The following HEATR4 variants were observed in gnomAD, a reference collection of about 807,000 sequenced individuals.
HEATR4 encodes the protein HEAT repeat-containing protein 4.
In HEATR4, 95 loss-of-function variants were observed where a neutral mutation model predicts 108.8. That is an observed-to-expected ratio of 0.87 (90% confidence interval 0.74 to 1.04). HEATR4 has a LOEUF of 1.04. Ranked by LOEUF, HEATR4 falls within the 50% of genes least tolerant of loss-of-function variation. HEATR4 has a pLI of 0.00. For synonymous variants in HEATR4, 443 were observed against 459.4 expected (o/e 0.96, Z 0.46); for missense variants, 1,152 against 1,253.8 (o/e 0.92, Z 1.23).
chr14:73,552,446 GC>G (rs2140320178), intron 1 of HEATR4, among the ~76,000 whole-genome samples: 1 of 91,380 alleles, frequency 1.1e-5, no homozygotes, highest in African/African-American at 4.2e-5. Context: ...CCTGTTGGGA[GC>G]CCCCAGCACT....
Position 73,500,733 on chromosome 14 carries a change from G to A in HEATR4, c.2106-3C>T. 1.2e-6 allele frequency: 2 copies of A among 1,611,632 alleles called. No individual in the cohort carries two copies. ...AATTTCCTTGACCTAGCTTGACCCTGTAAGGCACAAGTTGCTTTCCTTTCA... is the reference window on the plus strand; with the variant it reads ...AATTTCCTTGACCTAGCTTGACCCTATAAGGCACAAGTTGCTTTCCTTTCA... On this transcript the variant is annotated splice_region_variant and splice_polypyrimidine_tract_variant and intron_variant, in intron 11 of 17. Coordinates refer to ENST00000553558, the MANE Select transcript of HEATR4 (RefSeq NM_001220484.1).
At chr14:73,581,132 CTTTTTT>C in the HEATR4 span, 10 of 144,320 alleles carry the variant, frequency 6.9e-5, no homozygotes, top group South Asian at 2.2e-3. Context: ...TCACCTCACA[CTTTTTT>C]TTTTTTTTTC....
chr14:73,520,911 G>A lies in HEATR4; in HGVS notation c.1010C>T (p.Pro337Leu). The change falls in exon 4 of 18, where the codon CCC (proline) becomes CTC (leucine). Residue 337 changes from proline (P) to leucine (L), a missense_variant. Transcript: ENST00000553558. ...QTQSYFRQVT[P>L]RAGKFAYSTD... Reference sequence around the variant, plus strand: ...GGAGTAGGCAAACTTTCCAGCTCGGGGAGTCACCTGGCGAAAGTAGCTCTG... The same window carrying A: ...GGAGTAGGCAAACTTTCCAGCTCGGAGAGTCACCTGGCGAAAGTAGCTCTG... 1 of 1,614,008 alleles carries A rather than the reference G, an allele frequency of 6.2e-7. No homozygotes were observed. Among genetic ancestry groups the A allele is most frequent in the South Asian group, 1.1e-5 (1 of 91,076 alleles).
chr14:73,487,804 A>G (rs554469534), intron 17 of HEATR4, among the ~76,000 whole-genome samples: 41 of 152,152 alleles, frequency 2.7e-4, no homozygotes, highest in Non-Finnish European at 5.4e-4. Context: ...TTTGGAGAGG[A>G]GATGGAATGT....
intron 1 of HEATR4, among the ~76,000 whole-genome samples, chr14:73,534,415 G>A (rs528902045): frequency 5.5e-5 from 6 of 109,208 alleles, no homozygotes; most frequent in African/African-American, 1.8e-4. Flanking sequence ...AAACATGGCC[G>A]AGTGTAGTGG....
At chr14:73,484,861 CAT>C (rs546858324) in intron 17 of HEATR4, among the ~76,000 whole-genome samples, 2,347 of 148,360 alleles carry the variant, frequency 0.016, 83 homozygotes, top group South Asian at 0.16. Flanking sequence ...CACACACACA[CAT>C]ATATGGTTTT....
chr14:73,572,560 AG>A, the HEATR4 span, among the ~76,000 whole-genome samples: 1 of 150,340 alleles, frequency 6.7e-6, no homozygotes, highest in South Asian at 2.1e-4. Context: ...GAAAGGGCAC[AG>A]GGGTCTGTGG....
At chr14:73,540,156 C>A (rs1368448131) in intron 1 of HEATR4, among the ~76,000 whole-genome samples, 1 of 141,724 alleles carries the variant, frequency 7.1e-6, no homozygotes, top group Admixed American at 7.4e-5. Context: ...AAGGAGTCAA[C>A]ATATTCATCT....
At chr14:73,539,765 C>T (rs1395934824) in intron 1 of HEATR4, 2 of 117,790 alleles carry the variant, frequency 1.7e-5, no homozygotes, top group African/African-American at 5.5e-5. Flanking sequence ...CATCAGCACA[C>T]GCGTGGGCTG....
At position 73,509,327 on chromosome 14, in the gene HEATR4, T is replaced by C. The variant is rs774274443; in HGVS notation, c.1705A>G (p.Thr569Ala). 1.9e-6 allele frequency: 3 copies of C among 1,614,094 alleles called. No homozygotes were observed. The highest frequency in any genetic ancestry group is 3.3e-5 in the Admixed American group (2 of 60,004). ...HNPLARNIMQTALLKGNSVDS... is the reference protein window; with the variant it reads ...HNPLARNIMQAALLKGNSVDS... ...AGTTACTCACCCTTCAGAAGGGCAG[T>C]CTGCATGATGTTCCGGGCAAGGGGA... Residue 569 changes from threonine (T) to alanine (A), a missense_variant, in exon 8 of 18, where the codon ACT becomes GCT. Coordinates refer to ENST00000553558, the MANE Select transcript of HEATR4 (RefSeq NM_001220484.1).
At chr14:73,487,323 T>G (rs1040730537) in intron 17 of HEATR4, among the ~76,000 whole-genome samples, 1 of 151,886 alleles carries the variant, frequency 6.6e-6, no homozygotes, top group Non-Finnish European at 1.5e-5. Flanking sequence ...TCCCAGCACT[T>G]TGGGAGGCTG....
At chr14:73,482,510 A>G (rs1054319695) in intron 17 of HEATR4, among the ~76,000 whole-genome samples, 2 of 151,524 alleles carry the variant, frequency 1.3e-5, no homozygotes, top group Non-Finnish European at 2.9e-5. Flanking sequence ...CGACACAGCC[A>G]GACTTCGAGA....
chr14:73,618,474 G>C, the HEATR4 span, among the ~76,000 whole-genome samples: 1 of 151,372 alleles, frequency 6.6e-6, no homozygotes, highest in East Asian at 1.9e-4. Flanking sequence ...GAAGGAGCCA[G>C]TGATGGAAGA....
the HEATR4 span, among the ~76,000 whole-genome samples, chr14:73,627,044 G>A: frequency 6.6e-5 from 10 of 151,372 alleles, 1 homozygote; most frequent in Non-Finnish European, 1.5e-5. Context: ...CACCCGCCTC[G>A]GCCTCCTGAA....
chr14:73,595,402 C>T, the HEATR4 span: 1,457 of 1,614,232 alleles, frequency 9.0e-4, 10 homozygotes, highest in African/African-American at 0.016. Context: ...CCCAAACAGT[C>T]TCTGAACGGT....
At chr14:73,584,366 A>C in the HEATR4 span, among the ~76,000 whole-genome samples, 1 of 151,872 alleles carries the variant, frequency 6.6e-6, no homozygotes, top group Non-Finnish European at 1.5e-5. Flanking sequence ...CCTCAGTCAA[A>C]TTCTTTCTTC....
chr14:73,494,028 G>A (rs1348141119), intron 16 of HEATR4, among the ~76,000 whole-genome samples: 1 of 152,220 alleles, frequency 6.6e-6, no homozygotes, highest in African/African-American at 2.4e-5. Context: ...TGGCACTGCT[G>A]TCATAAGGGC....
chr14:73,491,016 C>A, intron 17 of HEATR4: 2 of 1,493,036 alleles, frequency 1.3e-6, no homozygotes, highest in East Asian at 2.6e-5. Flanking sequence ...TGTGGTCTGG[C>A]CATGGATGGG....
At chr14:73,593,048 T>C in the HEATR4 span, among the ~76,000 whole-genome samples, 3 of 152,222 alleles carry the variant, frequency 2.0e-5, no homozygotes, top group Admixed American at 2.0e-4. Flanking sequence ...TCTACAGGCA[T>C]CAGCCTGACT....
Sources: allele counts gnomAD v4.1 joint callset (sites outside exome capture counted in the v4.1 genomes callset), GRCh38; gene constraint gnomAD v4.1.1; transcripts MANE v1.5; gene names NCBI Gene and HGNC (gene_info 2026-07-23, HGNC 2026-07-21).